Variants in BARX2 observed in about 807,000 individuals in gnomAD.
The protein encoded by BARX2 is BARX homeobox 2.
A neutral mutation model predicts 25.5 loss-of-function variants in BARX2; 11 were observed. That is an observed-to-expected ratio of 0.43 (90% CI 0.27 to 0.71). BARX2 has a LOEUF of 0.71. Ranked by LOEUF, BARX2 falls within the 30% of genes least tolerant of loss-of-function variation. The pLI, the probability that BARX2 is intolerant of heterozygous loss-of-function variation, is 0.19. For synonymous variants in BARX2, 137 were observed against 149.5 expected (o/e 0.92, Z 0.61); for missense variants, 360 against 359.9 (o/e 1.00, Z 0.00).
Position 129,376,383 on chromosome 11 carries a change from G to A in BARX2, c.187+161G>A, listed in dbSNP as rs1046895181. On this transcript the variant is annotated intron_variant, in intron 1 of 3. Coordinates refer to ENST00000281437, the MANE Select transcript of BARX2 (RefSeq NM_003658.5). This position sits in a 1 kb window ranked among gnomAD's most constrained non-coding sequence, Gnocchi z 4.2. ...GCATTGCAAAGGCATCTGCGACGTGGCCGGGAAGGACCACGCAAGGTGTGG... is the reference window on the plus strand; with the variant it reads ...GCATTGCAAAGGCATCTGCGACGTGACCGGGAAGGACCACGCAAGGTGTGG... Among the ~76,000 whole-genome samples, 1 of 152,226 alleles carries A rather than the reference G, an allele frequency of 6.6e-6. No homozygotes were observed. The highest frequency in any genetic ancestry group is 2.1e-4 in the South Asian group (1 of 4,834).
intron 3 of BARX2, among the ~76,000 whole-genome samples, chr11:129,447,023 C>T (rs151231395): frequency 6.6e-6 from 1 of 152,256 alleles, no homozygotes; most frequent in Non-Finnish European, 1.5e-5. Context: ...AGAACAGTGG[C>T]CCATTTTACA....
At chr11:129,387,295 A>G (rs898874623) in intron 1 of BARX2, among the ~76,000 whole-genome samples, 3 of 152,216 alleles carry the variant, frequency 2.0e-5, no homozygotes, top group Non-Finnish European at 2.9e-5. Context: ...GTGGGACTAC[A>G]TAAGTCAGAA....
At position 129,440,937 on chromosome 11, in the gene BARX2, G is replaced by A. The variant is rs372074297; in HGVS notation, c.489-1898G>A. ...AAGTGGGGGTTGCTGCCCAAGCTCT[G>A]TCAGGGGTGATTGTCCCAAGCTGCT... On this transcript the variant is annotated intron_variant, in intron 2 of 3. Transcript: ENST00000281437. Among the ~76,000 whole-genome samples, 67 of 152,342 alleles carry A rather than the reference G, an allele frequency of 4.4e-4. No homozygotes were observed. The East Asian group carries it at 7.3e-3, about 17-fold the overall frequency.
chr11:129,415,342 A>G (rs1460013432), intron 1 of BARX2, among the ~76,000 whole-genome samples: 3 of 152,082 alleles, frequency 2.0e-5, no homozygotes, highest in Non-Finnish European at 1.5e-5. Flanking sequence ...TTCTCCCTTT[A>G]AGCCCCAGAA....
At chr11:129,381,243 T>C (rs933996961) in intron 1 of BARX2, among the ~76,000 whole-genome samples, 3 of 152,198 alleles carry the variant, frequency 2.0e-5, no homozygotes, top group African/African-American at 7.2e-5. Flanking sequence ...GCAACAAATA[T>C]TTATATTTGC....
At chr11:129,430,226 C>A (rs895643830) in intron 1 of BARX2, among the ~76,000 whole-genome samples, 1 of 152,172 alleles carries the variant, frequency 6.6e-6, no homozygotes, top group Non-Finnish European at 1.5e-5. Context: ...CTTAACCCTG[C>A]CATTTTAAGT....
At position 129,381,691 on chromosome 11, in the gene BARX2, C is replaced by T. The variant is rs528987316; in HGVS notation, c.187+5469C>T. 7.9e-5 allele frequency among the ~76,000 whole-genome samples: 12 copies of T among 151,970 alleles called. No homozygotes were observed. The East Asian group carries it at 2.1e-3, about 27-fold the overall frequency. ...TATAAAGTTGTTAGTTTTAGCATATCCTAGAAATCAGAGTGGAAAGATTAA... is the reference window on the plus strand; with the variant it reads ...TATAAAGTTGTTAGTTTTAGCATATTCTAGAAATCAGAGTGGAAAGATTAA... On this transcript the variant is annotated intron_variant, in intron 1 of 3. Coordinates refer to ENST00000281437, the MANE Select transcript of BARX2 (RefSeq NM_003658.5).
intron 1 of BARX2, among the ~76,000 whole-genome samples, chr11:129,429,012 T>TC: frequency 6.7e-6 from 1 of 148,534 alleles, no homozygotes; most frequent in Non-Finnish European, 1.5e-5. Context: ...GTTGTGTTTT[T>TC]TTTTTTTTTT....
chr11:129,410,473 C>G (rs1861874687), intron 1 of BARX2, among the ~76,000 whole-genome samples: 1 of 152,176 alleles, frequency 6.6e-6, no homozygotes, highest in African/African-American at 2.4e-5. Context: ...TTCTGTCTTT[C>G]ATGTTTGAGG....
At chr11:129,439,362 G>A (rs1450518417) in intron 2 of BARX2, among the ~76,000 whole-genome samples, 1 of 152,030 alleles carries the variant, frequency 6.6e-6, no homozygotes, top group East Asian at 1.9e-4. Context: ...ACGTGCCATG[G>A]TGGTTTACTG....
intron 2 of BARX2, among the ~76,000 whole-genome samples, chr11:129,439,673 C>A (rs979203000): frequency 6.6e-5 from 10 of 152,176 alleles, no homozygotes; most frequent in African/African-American, 2.4e-4. Context: ...TGTTCTAGAC[C>A]TGTGCATTTG....
At chr11:129,404,207 G>T (rs1028494267) in intron 1 of BARX2, among the ~76,000 whole-genome samples, 1 of 152,182 alleles carries the variant, frequency 6.6e-6, no homozygotes, top group East Asian at 1.9e-4. Flanking sequence ...TCTGAATGAC[G>T]TTGCCACGTC....
Position 129,437,042 on chromosome 11 carries a change from C to G in BARX2, c.479C>G (p.Thr160Ser), listed in dbSNP as rs535374331. Residue 160 changes from threonine (T) to serine (S), a missense_variant, in exon 2 of 4, where the codon ACC becomes AGC. Around this residue, in one of 3 missense-constraint regions of BARX2, gnomAD observed 240 missense variants for 228.7 expected, o/e 1.05. Transcript: ENST00000281437. ...TTCCAGAAGCAGAAGTATTTGTCAA[C>G]CCCAGACAGGTGAGGACGCAGGGAA... ...KKFQKQKYLS[T>S]PDRLDLAQSL... 1 of 1,570,650 alleles carries G rather than the reference C, an allele frequency of 6.4e-7. No individual in the cohort carries two copies. The highest frequency in any genetic ancestry group is 1.4e-5 in the African/African-American group (1 of 74,038).
intron 1 of BARX2, among the ~76,000 whole-genome samples, chr11:129,381,055 A>C (rs1591424559): frequency 6.6e-6 from 1 of 152,282 alleles, no homozygotes; most frequent in East Asian, 1.9e-4. Flanking sequence ...GATTATAGGC[A>C]TGAGCCATCG....
intron 2 of BARX2, among the ~76,000 whole-genome samples, chr11:129,439,343 T>C (rs939936994): frequency 3.9e-5 from 6 of 152,044 alleles, no homozygotes; most frequent in African/African-American, 7.2e-5. Context: ...GTTTGTTACA[T>C]AGGTATACAC....
In BARX2 at chr11:129,444,532, A is replaced by T. The variant is rs543163186; in HGVS notation, c.573+1613A>T. On this transcript the variant is annotated intron_variant, in intron 3 of 3. Transcript: ENST00000281437. ...CATTCCTTGTCCTAGGCACTATAAG[A>T]AGTAATTAAATAAAATATCACCCTT... Among the ~76,000 whole-genome samples the T allele has an allele frequency of 2.0e-5, 3 of 152,318 alleles. No individual in the cohort carries two copies. The East Asian group carries it at 5.8e-4, about 29-fold the overall frequency.
intron 1 of BARX2, among the ~76,000 whole-genome samples, chr11:129,397,732 A>G (rs1231943118): frequency 3.3e-5 from 5 of 152,310 alleles, no homozygotes; most frequent in Admixed American, 6.5e-5. Flanking sequence ...CATACGACCA[A>G]TTCCATGATG....
intron 1 of BARX2, among the ~76,000 whole-genome samples, chr11:129,378,568 T>TC (rs1396470280): frequency 1.0e-4 from 15 of 145,602 alleles, no homozygotes; most frequent in South Asian, 2.2e-4. Context: ...TTTTTCTTTT[T>TC]TTTTTTTTTT....
At chr11:129,422,668 A>G (rs1026033775) in intron 1 of BARX2, among the ~76,000 whole-genome samples, 34 of 60,292 alleles carry the variant, frequency 5.6e-4, no homozygotes, top group African/African-American at 2.4e-3. Context: ...TACAGTAGGG[A>G]TTCCACAATT....
Sources: gnomAD v4.1 joint callset for allele counts (sites outside exome capture counted in the v4.1 genomes callset) on GRCh38, gnomAD v4.1.1 for gene constraint, gnomAD v4.1.1 regional missense constraint, Gnocchi (gnomAD v3.1) non-coding constraint, MANE v1.5 for transcripts, NCBI Gene and HGNC (gene_info 2026-07-23, HGNC 2026-07-21) for gene names.